The following MYO3A variants were observed in gnomAD, a reference collection of about 807,000 sequenced individuals.
MYO3A encodes myosin-IIIa.
MYO3A carries 180 observed loss-of-function variants against 192.7 expected under a neutral mutation model. The ratio of observed to expected loss-of-function variants is 0.93; its 90% CI spans 0.83 to 1.06. MYO3A has a LOEUF of 1.06. Ranked by LOEUF, MYO3A falls within the 50% of genes least tolerant of loss-of-function variation. MYO3A has a pLI of 0.00. For synonymous variants in MYO3A, 628 were observed against 645.3 expected, an observed-to-expected ratio of 0.97 and a Z score of 0.41; for missense variants, 1,896 against 1,905.0, an observed-to-expected ratio of 1.00 and a Z score of 0.09.
At chr10:25,993,544 C>A (rs923575430) in intron 4 of MYO3A, among the ~76,000 whole-genome samples, 1 of 151,984 alleles carries the variant, frequency 6.6e-6, no homozygotes, top group Non-Finnish European at 1.5e-5. Flanking sequence ...TTATTTCTTG[C>A]CTTCTGCTAG....
At chr10:26,074,505 C>T (rs574887678) in intron 14 of MYO3A, among the ~76,000 whole-genome samples, 1 of 150,740 alleles carries the variant, frequency 6.6e-6, no homozygotes, top group Non-Finnish European at 1.5e-5. Context: ...CTCCTTTGGC[C>T]TTAGTGTCTG....
Position 26,045,366 on chromosome 10 carries a change from T to TTAGATAGATAGATGGATAGA in MYO3A, c.953+18847_953+18848insGGATAGATAGATAGATAGAT, listed in dbSNP as rs1302019473. Among the ~76,000 whole-genome samples, 142 of 142,706 alleles carry TTAGATAGATAGATGGATAGA rather than the reference T, an allele frequency of 1.0e-3. 1 individual carries two copies. Among genetic ancestry groups the TTAGATAGATAGATGGATAGA allele is most frequent in the Non-Finnish European group, 1.3e-3 (82 of 63,750 alleles). The allele number at this position is 142,706 out of a possible 152,430, so 93.6% of individuals were successfully genotyped here. ...GTACCCCTAACTTGTATGGGTGGCA[T>TTAGATAGATAGATGGATAGA]TAGATAGATAGATAGATAGATAGAT... On this transcript the variant is annotated intron_variant, in intron 10 of 34. Transcript: ENST00000642920.
At chr10:25,937,393 A>AT (rs1239666477) in intron 2 of MYO3A, among the ~76,000 whole-genome samples, 1,664 of 152,358 alleles carry the variant, frequency 0.011, 24 homozygotes, top group African/African-American at 0.037. Flanking sequence ...ACGGTTAATT[A>AT]TATGGCTCAC....
intron 23 of MYO3A, among the ~76,000 whole-genome samples, chr10:26,151,365 A>T (rs115500036): frequency 1.3e-5 from 2 of 152,192 alleles, no homozygotes; most frequent in East Asian, 1.9e-4. Flanking sequence ...GTAAATAAAC[A>T]TTTAAAATTG....
At chr10:26,075,465 T>C (rs1294477917) in intron 14 of MYO3A, among the ~76,000 whole-genome samples, 1 of 151,282 alleles carries the variant, frequency 6.6e-6, no homozygotes, top group Non-Finnish European at 1.5e-5. Context: ...GTCCACTGTA[T>C]CATTCTTATG....
chr10:26,141,682 T>C (rs1247065690), intron 20 of MYO3A, among the ~76,000 whole-genome samples: 1 of 152,208 alleles, frequency 6.6e-6, no homozygotes, highest in East Asian at 1.9e-4. Context: ...AGTAAAATAA[T>C]TCTAGGTCTA....
chr10:26,050,293 A>G (rs1843912444), intron 10 of MYO3A, among the ~76,000 whole-genome samples: 1 of 152,314 alleles, frequency 6.6e-6, no homozygotes, highest in South Asian at 2.1e-4. Context: ...GAAAAAATCA[A>G]TGTAATAAAA....
chr10:26,046,383 T>G (rs1449977542), intron 10 of MYO3A, among the ~76,000 whole-genome samples: 1 of 152,236 alleles, frequency 6.6e-6, no homozygotes, highest in Non-Finnish European at 1.5e-5. Context: ...AGAAGTCTTC[T>G]GTGTTAATTG....
chr10:26,002,171 G>A (rs552515518), intron 6 of MYO3A, among the ~76,000 whole-genome samples: 1 of 152,280 alleles, frequency 6.6e-6, no homozygotes, highest in Admixed American at 6.5e-5. Context: ...ATTTCTCTGT[G>A]TATCTAAGAG....
chr10:26,082,011 A>G (rs1470177896), intron 14 of MYO3A, among the ~76,000 whole-genome samples: 1 of 152,118 alleles, frequency 6.6e-6, no homozygotes, highest in Non-Finnish European at 1.5e-5. Context: ...GTTGATCTGG[A>G]GCTAAAATTC....
At chr10:26,087,042 T>G (rs566132537) in intron 14 of MYO3A, among the ~76,000 whole-genome samples, 1 of 152,326 alleles carries the variant, frequency 6.6e-6, no homozygotes, top group South Asian at 2.1e-4. Flanking sequence ...TTTACTTATG[T>G]CCTTGATAAG....
chr10:25,987,860 C>A (rs912096687), intron 4 of MYO3A, among the ~76,000 whole-genome samples: 1 of 152,084 alleles, frequency 6.6e-6, no homozygotes, highest in African/African-American at 2.4e-5. Flanking sequence ...GGTATCTACA[C>A]AGAGAAAAAG....
At chr10:26,184,333 G>A (rs904838587) in intron 31 of MYO3A, among the ~76,000 whole-genome samples, 1 of 152,134 alleles carries the variant, frequency 6.6e-6, no homozygotes, top group African/African-American at 2.4e-5. Context: ...ATTTCCCATA[G>A]ATCACTCTAT....
At chr10:26,146,392 A>G (rs1435809147) in intron 22 of MYO3A, among the ~76,000 whole-genome samples, 2 of 152,226 alleles carry the variant, frequency 1.3e-5, no homozygotes, top group Admixed American at 6.5e-5. Flanking sequence ...GGCTGCCATA[A>G]CAAAAATATC....
chr10:26,186,639 T>C (rs1312600995), intron 31 of MYO3A, among the ~76,000 whole-genome samples: 3 of 152,224 alleles, frequency 2.0e-5, no homozygotes. Context: ...TATTCCCTTA[T>C]CTGCTAGTAA....
chr10:26,065,671 G>A (rs1051141415), intron 10 of MYO3A, among the ~76,000 whole-genome samples: 1 of 151,690 alleles, frequency 6.6e-6, no homozygotes, highest in East Asian at 1.9e-4. Context: ...AACAGCAGAT[G>A]GAGGAAACTG....
At position 26,070,114 on chromosome 10, in the gene MYO3A, T is replaced by C. The variant is rs201323717; in HGVS notation, c.1174T>C (p.Ser392Pro). ...ATGTATTCTTTTTAACCTTTAGCATTCCAAACTATATATTGGATCAAAGAG... is the reference window on the plus strand; with the variant it reads ...ATGTATTCTTTTTAACCTTTAGCATCCCAAACTATATATTGGATCAAAGAG... ...QSLGLYSTKH[S>P]KLYIGSKRTA... Residue 392 changes from serine to proline, a missense_variant, in exon 13 of 35, where the codon TCC becomes CCC. Coordinates refer to ENST00000642920, the MANE Select transcript of MYO3A (RefSeq NM_017433.5). 7.6e-5 allele frequency: 122 copies of C among 1,605,728 alleles called. No individual in the cohort carries two copies. In the Admixed American group the frequency reaches 2.0e-3, roughly 26 times the overall value.
At chr10:26,152,931 C>T (rs1241070189) in intron 23 of MYO3A, among the ~76,000 whole-genome samples, 1 of 152,190 alleles carries the variant, frequency 6.6e-6, no homozygotes, top group Admixed American at 6.5e-5. Flanking sequence ...TTAGGCCAGC[C>T]TTTTGCAACC....
chr10:25,997,346 A>G, intron 6 of MYO3A, 88 bp downstream of exon 6: 1 of 1,007,600 alleles, frequency 9.9e-7, no homozygotes, highest in East Asian at 2.5e-5. Context: ...CTTCCTTTCT[A>G]GGTATTGGAA....
Sources: gnomAD v4.1 joint callset for allele counts (sites outside exome capture counted in the v4.1 genomes callset) on GRCh38, gnomAD v4.1.1 for gene constraint, MANE v1.5 for transcripts, NCBI Gene and HGNC (gene_info 2026-07-23, HGNC 2026-07-21) for gene names.